STPG2: variants seen among roughly 807,000 people sequenced by gnomAD.
The protein encoded by STPG2 is sperm-tail PG-rich repeat-containing protein 2.
STPG2 carries 56 observed loss-of-function variants against 54.2 expected under a neutral mutation model. The observed-to-expected ratio is 1.03, with a 90% CI of 0.83 to 1.29. The LOEUF is 1.29. Ranked by LOEUF, STPG2 falls within the 50% of genes most tolerant of loss-of-function variation. STPG2 has a pLI of 0.00. For synonymous variants in STPG2, 200 were observed against 181.8 expected (o/e 1.10, Z -0.81); for missense variants, 596 against 544.9 (o/e 1.09, Z -0.93).
chr4:97,733,499 C>T (rs571917994), intron 9 of STPG2, among the ~76,000 whole-genome samples: 15 of 152,050 alleles, frequency 9.9e-5, no homozygotes, highest in African/African-American at 3.6e-4. Flanking sequence ...GTACATTACT[C>T]AGGTGACAGA....
intron 5 of STPG2, among the ~76,000 whole-genome samples, chr4:98,082,791 A>G (rs536611342): frequency 4.6e-5 from 7 of 151,774 alleles, no homozygotes; most frequent in African/African-American, 1.7e-4. Context: ...TAAATAACAA[A>G]TCTAATCATG....
At chr4:97,957,331 T>G (rs1733718924) in intron 7 of STPG2, among the ~76,000 whole-genome samples, 1 of 151,480 alleles carries the variant, frequency 6.6e-6, no homozygotes, top group African/African-American at 2.4e-5. Flanking sequence ...AGAAGGAACT[T>G]GAAGCTTGAA....
rs534136192 is a variant in STPG2 at position 97,528,675 on chromosome 4, T to C, written c.462+184024A>G. Among the ~76,000 whole-genome samples the C allele has an allele frequency of 2.7e-4, 41 of 152,296 alleles. No homozygotes were observed. In the East Asian group the frequency reaches 7.3e-3, roughly 27 times the overall value. ...TTGTTTGTGTCCTCTCTTATTTCCT[T>C]GAGCAGTGGTTTGTAGTTCTCCTTA... On this transcript the variant is annotated intron_variant, in intron 4 of 4. Transcript: ENST00000522676.
chr4:97,751,562 C>T (rs1725581492), intron 9 of STPG2, among the ~76,000 whole-genome samples: 1 of 151,680 alleles, frequency 6.6e-6, no homozygotes, highest in African/African-American at 2.4e-5. Flanking sequence ...AAATTTTTAT[C>T]ATAAGTGAAA....
chr4:97,967,239 C>T (rs1734137972), intron 7 of STPG2, among the ~76,000 whole-genome samples: 1 of 146,460 alleles, frequency 6.8e-6, no homozygotes, highest in South Asian at 2.2e-4. Context: ...ATAAAACAGA[C>T]TTTAAACGAA....
intron 7 of STPG2, among the ~76,000 whole-genome samples, chr4:97,964,444 C>T (rs537430178): frequency 6.6e-6 from 1 of 152,038 alleles, no homozygotes; most frequent in East Asian, 1.9e-4. Flanking sequence ...ACAAAACACA[C>T]AGAGAATTGT....
At chr4:97,867,916 G>A (rs932887210) in intron 8 of STPG2, among the ~76,000 whole-genome samples, 3 of 152,002 alleles carry the variant, frequency 2.0e-5, no homozygotes, top group Non-Finnish European at 2.9e-5. Flanking sequence ...CTGGAAGGAT[G>A]CCAAGCAATG....
intron 4 of STPG2, among the ~76,000 whole-genome samples, chr4:97,515,574 G>T (rs1486179524): frequency 1.3e-5 from 2 of 151,998 alleles, no homozygotes; most frequent in African/African-American, 4.8e-5. Context: ...AGGAAGTTAG[G>T]ATATAATGCA....
At chr4:97,482,495 A>G (rs1730247558) in intron 4 of STPG2, among the ~76,000 whole-genome samples, 1 of 151,710 alleles carries the variant, frequency 6.6e-6, no homozygotes, top group African/African-American at 2.4e-5. Context: ...AATTAACCCA[A>G]TCCAACATAG....
intron 9 of STPG2, among the ~76,000 whole-genome samples, chr4:97,766,750 T>A (rs1404148914): frequency 6.6e-6 from 1 of 152,098 alleles, no homozygotes; most frequent in Non-Finnish European, 1.5e-5. Flanking sequence ...TTTGTTTTTG[T>A]CAAATAAATA....
intron 9 of STPG2, among the ~76,000 whole-genome samples, chr4:97,741,285 C>A (rs1725223688): frequency 6.6e-6 from 1 of 152,074 alleles, no homozygotes; most frequent in Non-Finnish European, 1.5e-5. Flanking sequence ...GGCATTATCA[C>A]TCAGGATATA....
chr4:97,606,587 G>A (rs886732548), intron 10 of STPG2, among the ~76,000 whole-genome samples: 6 of 151,924 alleles, frequency 3.9e-5, no homozygotes, highest in Non-Finnish European at 8.8e-5. Context: ...ACAAGTTTGA[G>A]TCATTCACTG....
At chr4:97,902,275 AG>A (rs1731207010) in intron 8 of STPG2, among the ~76,000 whole-genome samples, 1 of 152,114 alleles carries the variant, frequency 6.6e-6, no homozygotes, top group Non-Finnish European at 1.5e-5. Flanking sequence ...TCATAAGCAC[AG>A]GCAACAAAAG....
intron 4 of STPG2, among the ~76,000 whole-genome samples, chr4:97,501,404 G>T (rs1048152914): frequency 6.6e-6 from 1 of 151,552 alleles, no homozygotes; most frequent in African/African-American, 2.4e-5. Context: ...AGGTGGAAGA[G>T]AAAAAAAATA....
chr4:97,687,677 C>G (rs894323870), intron 10 of STPG2, among the ~76,000 whole-genome samples: 1 of 152,104 alleles, frequency 6.6e-6, no homozygotes, highest in Non-Finnish European at 1.5e-5. Context: ...CCTTTTTATT[C>G]CACCTGACTG....
At chr4:97,688,854 G>A (rs146083702) in intron 10 of STPG2, among the ~76,000 whole-genome samples, 1 of 152,166 alleles carries the variant, frequency 6.6e-6, no homozygotes, top group East Asian at 1.9e-4. Flanking sequence ...TTATTTTCTG[G>A]TATAATAAAT....
chr4:98,056,411 C>T (rs757773749), intron 5 of STPG2, among the ~76,000 whole-genome samples: 2 of 152,174 alleles, frequency 1.3e-5, no homozygotes, highest in Non-Finnish European at 2.9e-5. Context: ...GAAGGAACTC[C>T]TGCATCAGCT....
intron 10 of STPG2, among the ~76,000 whole-genome samples, chr4:97,706,970 G>C (rs1431050136): frequency 6.6e-6 from 1 of 152,140 alleles, no homozygotes; most frequent in Non-Finnish European, 1.5e-5. Context: ...TAGGCAAAAT[G>C]GTTGTATGTT....
At chr4:97,712,120 ATAGT>A (rs1407227128) in intron 10 of STPG2, among the ~76,000 whole-genome samples, 1 of 152,166 alleles carries the variant, frequency 6.6e-6, no homozygotes, top group Non-Finnish European at 1.5e-5. Context: ...TTTACTTTCA[ATAGT>A]TAGTAGGGTA....
Sources: gnomAD v4.1 joint callset for allele counts (sites outside exome capture counted in the v4.1 genomes callset) on GRCh38, gnomAD v4.1.1 for gene constraint, MANE v1.5 for transcripts, NCBI Gene and HGNC (gene_info 2026-07-23, HGNC 2026-07-21) for gene names.